Variants in PLAAT3 observed in about 807,000 individuals in gnomAD.
The protein encoded by PLAAT3 is phospholipase A and acyltransferase 3.
In PLAAT3, 21 loss-of-function variants were observed where a neutral mutation model predicts 16.7. The observed-to-expected ratio is 1.26, with a 90% CI of 0.89 to 1.81. The LOEUF (loss-of-function observed/expected upper bound fraction) is 1.81. Among genes scored for constraint, PLAAT3 ranks in the 40% most tolerant of loss-of-function variants. The pLI, the probability that PLAAT3 is intolerant of heterozygous loss-of-function variation, is 0.00. For synonymous variants in PLAAT3, 76 were observed against 81.7 expected (o/e 0.93, Z 0.38); for missense variants, 219 against 213.7 (o/e 1.02, Z -0.16).
intron 3 of PLAAT3, among the ~76,000 whole-genome samples, chr11:63,596,237 C>CA (rs56081443): frequency 0.012 from 504 of 40,712 alleles, 50 homozygotes; most frequent in Admixed American, 0.024. Flanking sequence ...GAGACTCTGT[C>CA]AAAAAAAAAA....
chr11:63,584,518 G>T lies in PLAAT3; in HGVS notation c.387+5582C>A, dbSNP rs12787661. Reference sequence around the variant, plus strand: ...TAAACTTTTTTTTTTGTTTTTTTTTGTTTTTTTTTTTTTGAGACAGAGTCT... The same window carrying T: ...TAAACTTTTTTTTTTGTTTTTTTTTTTTTTTTTTTTTTTGAGACAGAGTCT... On this transcript the variant is annotated intron_variant, in intron 4 of 4. Transcript: ENST00000415826. Among the ~76,000 whole-genome samples, 610 of 113,838 alleles carry T rather than the reference G, an allele frequency of 5.4e-3. 6 individuals are homozygous for T. Among genetic ancestry groups the T allele is most frequent in the South Asian group, 0.015 (57 of 3,698 alleles). 74.7% of individuals were successfully genotyped at this position (113,838 alleles called of 152,430 possible).
upstream of PLAAT3, among the ~76,000 whole-genome samples, chr11:63,615,676 GT>G (rs753670922): frequency 6.3e-4 from 89 of 140,994 alleles, no homozygotes; most frequent in Non-Finnish European, 6.5e-4. Flanking sequence ...GGGGTTTTTT[GT>G]TTTTTTTTTT....
At chr11:63,596,744 G>A (rs1334338080) in intron 3 of PLAAT3, among the ~76,000 whole-genome samples, 3 of 152,056 alleles carry the variant, frequency 2.0e-5, no homozygotes, top group African/African-American at 7.2e-5. Context: ...TCATGAGCGA[G>A]ATTTCCCTCA....
upstream of PLAAT3, among the ~76,000 whole-genome samples, chr11:63,615,190 A>G (rs201781397): frequency 0.013 from 472 of 37,096 alleles, 16 homozygotes; most frequent in Admixed American, 0.023. Context: ...GTGTATATAT[A>G]TGTGTGTATA....
chr11:63,606,063 A>G (rs1169453509), intron 2 of PLAAT3, among the ~76,000 whole-genome samples: 1 of 152,106 alleles, frequency 6.6e-6, no homozygotes, highest in Non-Finnish European at 1.5e-5. Flanking sequence ...CAGGATCACT[A>G]TAGCTTTTTG....
At chr11:63,596,171 C>A (rs1264176809) in intron 3 of PLAAT3, among the ~76,000 whole-genome samples, 1 of 135,832 alleles carries the variant, frequency 7.4e-6, no homozygotes, top group Non-Finnish European at 1.5e-5. Flanking sequence ...AACCCGGAGG[C>A]AGAGCTTGCA....
intron 3 of PLAAT3, among the ~76,000 whole-genome samples, chr11:63,597,073 G>A (rs958375143): frequency 1.3e-5 from 2 of 150,678 alleles, no homozygotes; most frequent in African/African-American, 4.9e-5. Context: ...TCTACCCTGG[G>A]CAAGAAAAGC....
chr11:63,598,691 T>A (rs1227784928), intron 2 of PLAAT3: 6 of 518,270 alleles, frequency 1.2e-5, no homozygotes, highest in African/African-American at 9.6e-5. Context: ...GTTATGTGAC[T>A]AGAGCTGCCC....
chr11:63,591,105 G>A (rs989986537), intron 3 of PLAAT3, among the ~76,000 whole-genome samples: 1 of 152,168 alleles, frequency 6.6e-6, no homozygotes, highest in Non-Finnish European at 1.5e-5. Context: ...GGATGGGCTG[G>A]GCACAGTGGC....
chr11:63,576,417 A>G (rs2017661960), intron 4 of PLAAT3, among the ~76,000 whole-genome samples: 1 of 152,222 alleles, frequency 6.6e-6, no homozygotes, highest in Non-Finnish European at 1.5e-5. Context: ...TGAGGCCAGG[A>G]GTTCCAGACA....
At position 63,574,901 on chromosome 11, in the gene PLAAT3, C is replaced by G. The variant is rs777630836; in HGVS notation, c.*44G>C. On this transcript the variant is annotated 3_prime_UTR_variant, in exon 5 of 5. Coordinates refer to ENST00000415826, the MANE Select transcript of PLAAT3 (RefSeq NM_001128203.2). ...CCAAACTCTCTAGCAAAACAAGACCCCCTTGATGTATAAAGTCATCGCTGA... is the reference window on the plus strand; with the variant it reads ...CCAAACTCTCTAGCAAAACAAGACCGCCTTGATGTATAAAGTCATCGCTGA... 21 of 1,142,658 alleles carry G rather than the reference C, an allele frequency of 1.8e-5. No homozygotes were observed. Among genetic ancestry groups the G allele is most frequent in the Non-Finnish European group, 2.8e-5 (21 of 749,992 alleles). 70.8% of individuals were successfully genotyped at this position (1,142,658 alleles called of 1,614,324 possible).
At chr11:63,609,397 TC>T (rs1938639195) in intron 2 of PLAAT3, among the ~76,000 whole-genome samples, 1 of 152,212 alleles carries the variant, frequency 6.6e-6, no homozygotes, top group South Asian at 2.1e-4. Flanking sequence ...TCCGGGGGCC[TC>T]AACTGAGCCC....
At chr11:63,580,447 A>C (rs1171319191) in intron 4 of PLAAT3, among the ~76,000 whole-genome samples, 2 of 152,198 alleles carry the variant, frequency 1.3e-5, no homozygotes, top group African/African-American at 2.4e-5. Flanking sequence ...CGAGGTCAGG[A>C]GTTCGAGACC....
Position 63,614,034 on chromosome 11 carries a change from C to G in PLAAT3, c.-20G>C. On this transcript the variant is annotated 5_prime_UTR_variant, in exon 2 of 5. Transcript: ENST00000415826. Reference sequence around the variant, plus strand: ...ACGCATCTTCCCTCGCGGTGTGGACCCTCAAGGCCAGGCTCGATTTCGCTG... The same window carrying G: ...ACGCATCTTCCCTCGCGGTGTGGACGCTCAAGGCCAGGCTCGATTTCGCTG... 3 of 1,613,514 alleles carry G rather than the reference C, an allele frequency of 1.9e-6. No homozygotes were observed. The highest frequency in any genetic ancestry group is 2.5e-6 in the Non-Finnish European group (3 of 1,179,554).
At chr11:63,615,188 A>ATG (rs1565259847), upstream of PLAAT3, among the ~76,000 whole-genome samples, 1 of 104,230 alleles carries the variant, frequency 9.6e-6, no homozygotes, top group African/African-American at 3.6e-5. Flanking sequence ...GTGTGTATAT[A>ATG]TATGTGTGTA....
chr11:63,614,226 G>C (rs1298808426), intron 1 of PLAAT3, 158 bp from the exon 2 acceptor site: 2 of 633,382 alleles, frequency 3.2e-6, no homozygotes, highest in Non-Finnish European at 5.4e-6. Flanking sequence ...GCCGGGGCCC[G>C]GCGGGCGCCC....
intron 2 of PLAAT3, among the ~76,000 whole-genome samples, chr11:63,601,395 A>AT (rs397937285): frequency 0.39 from 56,586 of 144,556 alleles, 11,561 homozygotes; most frequent in East Asian, 0.68. Flanking sequence ...AAAAGCTGTA[A>AT]TTTTTTTTTT....
rs1041900072 is a variant in PLAAT3 at position 63,614,180 on chromosome 11, A to G, written c.-54-112T>C. 12 of 853,410 alleles carry G rather than the reference A, an allele frequency of 1.4e-5. No individual in the cohort carries two copies. In the East Asian group the frequency reaches 3.4e-4, roughly 24 times the overall value. 52.9% of individuals were successfully genotyped at this position (853,410 alleles called of 1,614,324 possible). On this transcript the variant is annotated intron_variant, in intron 1 of 4. Transcript: ENST00000415826. ...GCGTGAGAGGCGCGCCTCGGACCCC[A>G]GGAACAACCACCTCGCTCCCTTTAA...
chr11:63,612,443 T>C (rs1938718108), intron 2 of PLAAT3, among the ~76,000 whole-genome samples: 1 of 152,260 alleles, frequency 6.6e-6, no homozygotes, highest in Admixed American at 6.5e-5. Context: ...TCTGCCAAAC[T>C]AATCCTGATG....
Sources: gnomAD v4.1 joint callset for allele counts (sites outside exome capture counted in the v4.1 genomes callset) on GRCh38, gnomAD v4.1.1 for gene constraint, MANE v1.5 for transcripts, NCBI Gene and HGNC (gene_info 2026-07-23, HGNC 2026-07-21) for gene names.